The following NAALADL2 variants were observed in gnomAD, a reference collection of about 807,000 sequenced individuals.
The protein encoded by NAALADL2 is N-acetylated alpha-linked acidic dipeptidase like 2, also known as inactive N-acetylated-alpha-linked acidic dipeptidase-like protein 2.
A neutral mutation model predicts 87.2 loss-of-function variants in NAALADL2; 76 were observed. That is an observed-to-expected ratio of 0.87 (90% CI 0.72 to 1.05). NAALADL2 has a LOEUF of 1.05. Among genes scored for constraint, NAALADL2 ranks in the 50% least tolerant of loss-of-function variants. The pLI is 0.00. For missense variants in NAALADL2, 1,089 were observed against 945.8 expected (o/e 1.15, Z -1.99); for synonymous variants, 354 against 331.0 (o/e 1.07, Z -0.75).
At chr3:174,553,192 T>C (rs983136409) in intron 2 of NAALADL2, among the ~76,000 whole-genome samples, 1 of 152,216 alleles carries the variant, frequency 6.6e-6, no homozygotes, top group Non-Finnish European at 1.5e-5. Flanking sequence ...CTTGCTTTTA[T>C]AGATTTTAAA....
At chr3:175,148,153 T>C (rs1468675042) in intron 2 of NAALADL2, among the ~76,000 whole-genome samples, 1 of 149,974 alleles carries the variant, frequency 6.7e-6, no homozygotes, top group Non-Finnish European at 1.5e-5. Flanking sequence ...TTCTGACTGG[T>C]ATGAAATGCT....
chr3:174,947,959 A>G (rs1219831670), intron 1 of NAALADL2, among the ~76,000 whole-genome samples: 1 of 152,144 alleles, frequency 6.6e-6, no homozygotes, highest in Non-Finnish European at 1.5e-5. Flanking sequence ...AGATGTAAAT[A>G]TAGTTATGAA....
intron 1 of NAALADL2, among the ~76,000 whole-genome samples, chr3:174,457,274 C>G (rs1423732264): frequency 6.6e-6 from 1 of 152,080 alleles, no homozygotes; most frequent in Non-Finnish European, 1.5e-5. Flanking sequence ...ATTAGTTCAA[C>G]CATTGTAGAA....
chr3:175,618,103 G>T (rs1445590991), intron 10 of NAALADL2, among the ~76,000 whole-genome samples: 1 of 152,140 alleles, frequency 6.6e-6, no homozygotes, highest in Admixed American at 6.5e-5. Context: ...GTCAGGGTTT[G>T]ATTCAAAAGT....
rs547205389 is a variant in NAALADL2 at position 175,413,300 on chromosome 3, G to A, written c.1091-33929G>A. ...AACTACCAAAAATTAGGCCGAGCGC[G>A]GTGGCTCATGCCTGTAATCCCAGCC... On this transcript the variant is annotated intron_variant, in intron 5 of 13. Transcript: ENST00000454872. Among the ~76,000 whole-genome samples the A allele has an allele frequency of 4.0e-5, 6 of 151,118 alleles. No homozygotes were observed. The South Asian group carries it at 8.4e-4, about 21-fold the overall frequency.
At chr3:174,680,141 T>C (rs1356429136) in intron 2 of NAALADL2, among the ~76,000 whole-genome samples, 2 of 113,540 alleles carry the variant, frequency 1.8e-5, no homozygotes, top group Non-Finnish European at 3.5e-5. Flanking sequence ...TAGCAATTTC[T>C]TTGACAATTT....
chr3:174,509,395 CCTTTCTTT>C (rs201756410), intron 1 of NAALADL2, among the ~76,000 whole-genome samples: 2 of 125,456 alleles, frequency 1.6e-5, no homozygotes, highest in East Asian at 5.0e-4. Flanking sequence ...GGTGTCTCTT[CCTTTCTTT>C]CTTTTTTTTT....
At chr3:174,887,254 T>G (rs1234552664) in intron 1 of NAALADL2, among the ~76,000 whole-genome samples, 1 of 144,158 alleles carries the variant, frequency 6.9e-6, no homozygotes, top group African/African-American at 2.8e-5. Flanking sequence ...TAAATGTAAT[T>G]TAGATGATCT....
At chr3:175,720,035 T>C (rs1742010257) in intron 11 of NAALADL2, among the ~76,000 whole-genome samples, 1 of 152,178 alleles carries the variant, frequency 6.6e-6, no homozygotes, top group African/African-American at 2.4e-5. Context: ...GGTTAGAATT[T>C]CAACATATAA....
chr3:175,210,113 C>T lies in NAALADL2; in HGVS notation c.546-23818C>T, dbSNP rs915073199. Among the ~76,000 whole-genome samples the T allele has an allele frequency of 3.3e-5, 5 of 151,540 alleles. No homozygotes were observed. In the East Asian group the frequency reaches 9.6e-4, roughly 29 times the overall value. ...ATGTAAAGACAGCCCTTTCAAACTG[C>T]CAAGAAAAAGCCAAACAAGCAAACT... On this transcript the variant is annotated intron_variant, in intron 2 of 13. Transcript: ENST00000454872.
intron 4 of NAALADL2, among the ~76,000 whole-genome samples, chr3:175,277,577 A>G (rs1009817057): frequency 1.3e-5 from 2 of 152,158 alleles, no homozygotes; most frequent in African/African-American, 4.8e-5. Flanking sequence ...CCTTCATCCA[A>G]CAACCAAATT....
At chr3:174,842,139 C>T (rs1246952957) in intron 3 of NAALADL2, among the ~76,000 whole-genome samples, 1 of 151,536 alleles carries the variant, frequency 6.6e-6, no homozygotes, top group African/African-American at 2.4e-5. Flanking sequence ...ATAAACTCTG[C>T]CTGCCGGGTT....
intron 4 of NAALADL2, among the ~76,000 whole-genome samples, chr3:175,293,002 A>C (rs930807785): frequency 6.9e-5 from 9 of 131,066 alleles, no homozygotes; most frequent in Admixed American, 1.9e-4. Flanking sequence ...GCGCCACTGC[A>C]CTCCAGCCTG....
intron 2 of NAALADL2, among the ~76,000 whole-genome samples, chr3:174,611,519 T>G (rs374889579): frequency 2.0e-5 from 3 of 152,238 alleles, no homozygotes; most frequent in Admixed American, 6.5e-5. Context: ...ACGGATACAG[T>G]GTTACAATAA....
intron 3 of NAALADL2, among the ~76,000 whole-genome samples, chr3:174,762,230 G>C (rs1343021228): frequency 6.7e-6 from 1 of 148,880 alleles, no homozygotes; most frequent in Non-Finnish European, 1.5e-5. Flanking sequence ...CGCCATCTCA[G>C]CTCACTGCAA....
chr3:175,697,300 G>T (rs1253790974), intron 11 of NAALADL2, among the ~76,000 whole-genome samples: 1 of 151,816 alleles, frequency 6.6e-6, no homozygotes, highest in South Asian at 2.1e-4. Context: ...AGAATACAGA[G>T]AATCCTGTTT....
intron 3 of NAALADL2, among the ~76,000 whole-genome samples, chr3:174,789,878 G>A (rs576648057): frequency 6.6e-6 from 1 of 152,302 alleles, no homozygotes; most frequent in African/African-American, 2.4e-5. Flanking sequence ...CTGTCACAAA[G>A]ACCCTGCTGA....
chr3:174,875,323 GAA>G (rs1728373178), intron 1 of NAALADL2, among the ~76,000 whole-genome samples: 1 of 151,978 alleles, frequency 6.6e-6, no homozygotes, highest in African/African-American at 2.4e-5. Context: ...AAGCAGGAGT[GAA>G]AAGAGTAGAC....
chr3:174,889,762 T>C (rs1446439690), intron 1 of NAALADL2, among the ~76,000 whole-genome samples: 1 of 152,220 alleles, frequency 6.6e-6, no homozygotes, highest in East Asian at 1.9e-4. Context: ...TCTGATCTTA[T>C]GATTCTCTCC....
Sources: gnomAD v4.1 joint callset for allele counts (sites outside exome capture counted in the v4.1 genomes callset) on GRCh38, gnomAD v4.1.1 for gene constraint, MANE v1.5 for transcripts, NCBI Gene and HGNC (gene_info 2026-07-23, HGNC 2026-07-21) for gene names.